HAPLN4: variants seen among roughly 807,000 people sequenced by gnomAD.
HAPLN4 encodes the protein hyaluronan and proteoglycan link protein 4.
Under a neutral mutation model 28.0 loss-of-function variants are expected in HAPLN4, and 19 were observed. The ratio of observed to expected loss-of-function variants is 0.68; its 90% CI spans 0.47 to 1.00. The LOEUF is 1.00. Among genes scored for constraint, HAPLN4 ranks in the 50% least tolerant of loss-of-function variants. HAPLN4 has a pLI of 0.00. For synonymous variants in HAPLN4, 274 were observed against 273.0 expected (o/e 1.00, Z -0.03); for missense variants, 587 against 602.6 (o/e 0.97, Z 0.27).
chr19:19,262,593 G>T, intron 1 of HAPLN4, 137 bp downstream of exon 1: 2 of 1,058,014 alleles, frequency 1.9e-6, no homozygotes, highest in South Asian at 1.4e-5. Flanking sequence ...CAAAAAGAGA[G>T]ATCAAAGAGG....
At position 19,258,660 on chromosome 19, in the gene HAPLN4, C is replaced by T. The variant is rs891875500; in HGVS notation, c.680G>A (p.Arg227Gln). The change falls in exon 4 of 5, where the codon CGG (arginine) becomes CAG (glutamine). Residue 227 changes from arginine (R) to glutamine (Q), a missense_variant. By Grantham distance (43) the Arg-to-Gln change is conservative. Transcript: ENST00000291481. The surrounding 1 kb of genome is among the most constrained non-coding windows in gnomAD (Gnocchi z 6.2). ...CCCCCCCAGGCCGCCGCAGGGCTCCCGGGGCCGGTTCACGGGGTATTGCAC... is the reference window on the plus strand; with the variant it reads ...CCCCCCCAGGCCGCCGCAGGGCTCCTGGGGCCGGTTCACGGGGTATTGCAC... ...GSVQYPVNRPREPCGGLGGTG... is the reference protein window; with the variant it reads ...GSVQYPVNRPQEPCGGLGGTG... 4.3e-6 allele frequency: 7 copies of T among 1,610,504 alleles called. No homozygotes were observed. In the South Asian group the frequency reaches 5.5e-5, roughly 13 times the overall value.
rs369132291 is a variant in HAPLN4, at chr19:19,261,004, A to C, written c.293T>G (p.Val98Gly). 5.6e-6 allele frequency: 9 copies of C among 1,613,584 alleles called. No homozygotes were observed. Among genetic ancestry groups the C allele is most frequent in the African/African-American group, 1.3e-5 (1 of 74,924 alleles). Reference protein sequence around the residue: ...KVVDPLAFTDVFVALGPQHRA... With the variant: ...KVVDPLAFTDGFVALGPQHRA... ...GTGCTGGGGGCCTAGTGCCACGAAG[A>C]CGTCGGTGAAGGCCAGCGGGTCCAC... Residue 98 changes from valine to glycine, a missense_variant, in exon 3 of 5, where the codon GTC (valine) becomes GGC (glycine). Physicochemically the swap from Val to Gly is moderately radical, Grantham distance 109. Coordinates refer to ENST00000291481, the MANE Select transcript of HAPLN4 (RefSeq NM_023002.3).
rs773003917 is a variant in HAPLN4 at position 19,258,031 on chromosome 19, A to G, written c.995T>C (p.Ile332Thr). The G allele has an allele frequency of 5.0e-5, 76 of 1,533,216 alleles. No individual in the cohort carries two copies. Among genetic ancestry groups the G allele is most frequent in the Non-Finnish European group, 6.3e-5 (72 of 1,145,696 alleles). The allele number at this position is 1,533,216 out of a possible 1,614,324, so 95.0% of individuals were successfully genotyped here. A position where few individuals can be genotyped will look rare whatever the true frequency, so the allele number is the denominator to read the frequency against. ...WLADGSARYP[I>T]VNPRARCGGR... is the part of the protein sequence containing the mutation. ...TCCGCAGCGCGCTCGCGGGTTCACG[A>G]TGGGGTAGCGCGCACTGCCATCGGC... Residue 332 changes from isoleucine to threonine, a missense_variant, in exon 5 of 5, where the codon ATC becomes ACC. Coordinates refer to ENST00000291481, the MANE Select transcript of HAPLN4 (RefSeq NM_023002.3). The surrounding 1 kb of genome is among the most constrained non-coding windows in gnomAD (Gnocchi z 6.2).
At chr19:19,261,255 G>C in intron 2 of HAPLN4, 80 bp from the exon 3 acceptor site, 2 of 1,441,548 alleles carry the variant, frequency 1.4e-6, no homozygotes, top group Non-Finnish European at 1.9e-6. Context: ...CTGGGGAGGG[G>C]AACGTGGGAA....
Position 19,257,158 on chromosome 19 carries a change from A to G in HAPLN4, c.*659T>C, listed in dbSNP as rs953891833. 6.6e-6 allele frequency: 1 copy of G among 152,024 alleles called. No individual in the cohort carries two copies. The highest frequency in any genetic ancestry group is 2.4e-5 in the African/African-American group (1 of 41,322). The allele number at this position is 152,024 out of a possible 1,614,324, so 9.4% of individuals were successfully genotyped here. A position where few individuals can be genotyped will look rare whatever the true frequency, so the allele number is the denominator to read the frequency against. On this transcript the variant is annotated 3_prime_UTR_variant, in exon 5 of 5. Transcript: ENST00000291481. ...GCAGATGGGGGTGCTCGCCCATGAAACTAGAGGGGTGTGCCCTGTTACCCA... is the reference window on the plus strand; with the variant it reads ...GCAGATGGGGGTGCTCGCCCATGAAGCTAGAGGGGTGTGCCCTGTTACCCA...
In HAPLN4 at chr19:19,257,860, C is replaced by G. The variant is rs767317493; in HGVS notation, c.1166G>C (p.Gly389Ala). Residue 389 changes from glycine to alanine, a missense_variant, in exon 5 of 5, where the codon GGG (glycine) becomes GCG (alanine). Coordinates refer to ENST00000291481, the MANE Select transcript of HAPLN4 (RefSeq NM_023002.3). ...CCAGGCAGCAGGATCGCGCGCGCCC[C>G]CTGCCCAGCCGCCGCCGCCCGCCCA... is the stretch of plus-strand genomic sequence containing the variant. ...WGWAGGGGWA[G>A]GARDPAAWTP... 47 of 1,433,450 alleles carry G rather than the reference C, an allele frequency of 3.3e-5. No homozygotes were observed. Among genetic ancestry groups the G allele is most frequent in the Non-Finnish European group, 3.9e-5 (43 of 1,104,928 alleles). The allele number at this position is 1,433,450 out of a possible 1,614,324, so 88.8% of individuals were successfully genotyped here. A position where few individuals can be genotyped will look rare whatever the true frequency, so the allele number is the denominator to read the frequency against.
At position 19,262,215 on chromosome 19, in the gene HAPLN4, AAGACAGAGATGGAAAGGGAG is replaced by A. The variant is rs1203616449; in HGVS notation, c.3+495_3+514del. ...AGGAAGATACAGAGATGGAGAGGGAAAGACAGAGATGGAAAGGGAGAGACAGAGAGGAAGAGACAGAGAAG... is the reference window on the plus strand; with the variant it reads ...AGGAAGATACAGAGATGGAGAGGGAAAGACAGAGAGGAAGAGACAGAGAAG... On this transcript the variant is annotated intron_variant, in intron 1 of 4. Transcript: ENST00000291481. Among the ~76,000 whole-genome samples the A allele has an allele frequency of 7.9e-4, 85 of 107,880 alleles. 2 individuals carry two copies. The highest frequency in any genetic ancestry group is 7.7e-3 in the Admixed American group (83 of 10,744). 70.8% of individuals were successfully genotyped at this position (107,880 alleles called of 152,430 possible). A position where few individuals can be genotyped will look rare whatever the true frequency, so the allele number is the denominator to read the frequency against.
intron 1 of HAPLN4, among the ~76,000 whole-genome samples, chr19:19,261,963 G>A (rs1437512254): frequency 6.6e-6 from 1 of 152,192 alleles, no homozygotes; most frequent in Non-Finnish European, 1.5e-5. Flanking sequence ...GGCAGGGAGG[G>A]GGGAGAGCTG....
chr19:19,257,991 A>C lies in HAPLN4; in HGVS notation c.1035T>G (p.Gly345=), dbSNP rs774199796. The change falls in exon 5 of 5, where the codon GGT becomes GGG. Residue 345 remains glycine (G), a synonymous_variant. Coordinates refer to ENST00000291481, the MANE Select transcript of HAPLN4 (RefSeq NM_023002.3). ...CGTCCGGGAAGCCGAGGCTGCGCACACCAGGCCTGCGGCCTCCGCAGCGCG... is the reference window on the plus strand; with the variant it reads ...CGTCCGGGAAGCCGAGGCTGCGCACCCCAGGCCTGCGGCCTCCGCAGCGCG... ...PRARCGGRRP[G]VRSLGFPDAT... is the part of the protein sequence containing the mutation. 13 of 1,517,714 alleles carry C rather than the reference A, an allele frequency of 8.6e-6. No homozygotes were observed. The highest frequency in any genetic ancestry group is 1.7e-4 in the Middle Eastern group (1 of 5,848). The allele number at this position is 1,517,714 out of a possible 1,614,324, so 94.0% of individuals were successfully genotyped here.
chr19:19,261,624 G>GGAGGGAGCCAGGC, intron 1 of HAPLN4, 61 bp from the exon 2 acceptor site: 4 of 1,142,494 alleles, frequency 3.5e-6, no homozygotes, highest in Non-Finnish European at 3.5e-6. Flanking sequence ...CGGAGGCCTG[G>GGAGGGAGCCAGGC]CTCCCTCCCG....
At position 19,258,804 on chromosome 19, in the gene HAPLN4, G is replaced by A. The variant is rs2060974981; in HGVS notation, c.536C>T (p.Ala179Val). The A allele has an allele frequency of 2.5e-6, 4 of 1,592,302 alleles. No individual in the cohort carries two copies. Among genetic ancestry groups the A allele is most frequent in the Non-Finnish European group, 3.4e-6 (4 of 1,170,076 alleles). Residue 179 changes from alanine (A) to valine (V), a missense_variant, in exon 4 of 5, where the codon GCG becomes GTG. Coordinates refer to ENST00000291481, the MANE Select transcript of HAPLN4 (RefSeq NM_023002.3). The surrounding 1 kb of genome is among the most constrained non-coding windows in gnomAD (Gnocchi z 6.2). ...CTCGGCGCACGCGCGCTGCGCCTCC[G>A]CGAAGGTCAGCTTGTATCGGCCTCC... The part of the protein sequence containing the change: ...PRGGRYKLTF[A>V]EAQRACAEQD...
At position 19,255,819 on chromosome 19, in the gene HAPLN4, A is replaced by G. The variant is rs1032810311; in HGVS notation, c.*1998T>C. The G allele has an allele frequency of 3.3e-4, 50 of 152,242 alleles. No homozygotes were observed. The highest frequency in any genetic ancestry group is 1.1e-3 in the African/African-American group (47 of 41,462). The allele number at this position is 152,242 out of a possible 1,614,324, so 9.4% of individuals were successfully genotyped here. A position where few individuals can be genotyped will look rare whatever the true frequency, so the allele number is the denominator to read the frequency against. On this transcript the variant is annotated 3_prime_UTR_variant, in exon 5 of 5. Coordinates refer to ENST00000291481, the MANE Select transcript of HAPLN4 (RefSeq NM_023002.3). ...TTCAAACCCAAACCGACCTGGTCCC[A>G]AAACTCAGAGATAGGTTTCCTAGAG...
intron 1 of HAPLN4, 200 bp from the exon 2 acceptor site, chr19:19,261,763 A>AC (rs2060984323): frequency 2.1e-6 from 1 of 479,188 alleles, no homozygotes; most frequent in South Asian, 3.0e-5. Flanking sequence ...ACGCCCCTAG[A>AC]CTCCCCCCCG....
In HAPLN4 at chr19:19,260,952, C is replaced by G. The variant is rs768350838; in HGVS notation, c.345G>C (p.Arg115=). Residue 115 remains arginine, a synonymous_variant, in exon 3 of 5, where the codon CGG becomes CGC. Transcript: ENST00000291481. Reference sequence around the variant, plus strand: ...CAGGCCCGTCGCCCTGCAGCTCAGCCCGCCCACGGTAGCTGCCGAATGCCC... The same window carrying G: ...CAGGCCCGTCGCCCTGCAGCTCAGCGCGCCCACGGTAGCTGCCGAATGCCC... ...QHRAFGSYRG[R]AELQGDGPGD... 3 of 1,613,856 alleles carry G rather than the reference C, an allele frequency of 1.9e-6. No individual in the cohort carries two copies. The East Asian group carries it at 6.7e-5, about 36-fold the overall frequency.
rs2060964114 is a variant in HAPLN4 at position 19,255,905 on chromosome 19, G to C, written c.*1912C>G. On this transcript the variant is annotated 3_prime_UTR_variant, in exon 5 of 5. Coordinates refer to ENST00000291481, the MANE Select transcript of HAPLN4 (RefSeq NM_023002.3). ...CAGTACTCCTGCAGGCAAGACTTCG[G>C]GACTGGGGTCTCCCACGGCCGGGAT... 6.6e-6 allele frequency: 1 copy of C among 152,274 alleles called. No individual in the cohort carries two copies. Among genetic ancestry groups the C allele is most frequent in the Non-Finnish European group, 1.5e-5 (1 of 68,070 alleles). The allele number at this position is 152,274 out of a possible 1,614,324, so 9.4% of individuals were successfully genotyped here.
Position 19,258,645 on chromosome 19 carries a change from C to A in HAPLN4, c.695G>T (p.Gly232Val), listed in dbSNP as rs569516576. The stretch of plus-strand genomic sequence containing the variant: ...CCCTGCACTCCCGGTCCCCCCCAGG[C>A]CGCCGCAGGGCTCCCGGGGCCGGTT... Reference protein sequence around the residue: ...PVNRPREPCGGLGGTGSAGGG... With the variant: ...PVNRPREPCGVLGGTGSAGGG... The change falls in exon 4 of 5, where the codon GGC (glycine) becomes GTC (valine). Residue 232 changes from glycine (G) to valine (V), a missense_variant. Transcript: ENST00000291481. This position sits in a 1 kb window ranked among gnomAD's most constrained non-coding sequence, Gnocchi z 6.2. 30 of 1,611,510 alleles carry A rather than the reference C, an allele frequency of 1.9e-5. 1 individual carries two copies. In the South Asian group the frequency reaches 3.1e-4, roughly 17 times the overall value.
rs766762055 is a variant in HAPLN4, at chr19:19,261,566, G to T, written c.4-3C>A. The T allele has an allele frequency of 2.7e-6, 4 of 1,481,604 alleles. No individual in the cohort carries two copies. The highest frequency in any genetic ancestry group is 1.8e-4 in the Middle Eastern group (1 of 5,482). The allele number at this position is 1,481,604 out of a possible 1,614,324, so 91.8% of individuals were successfully genotyped here. On this transcript the variant is annotated splice_polypyrimidine_tract_variant and splice_region_variant and intron_variant, in intron 1 of 4. Transcript: ENST00000291481. ...CCGAGGGCCGCCCGAGCGCACACCT[G>T]GGGGGCGGGCACGGGGCGCTCAGTC...
chr19:19,258,187 G>A lies in HAPLN4; in HGVS notation c.839C>T (p.Pro280Leu), dbSNP rs905943234. ...NLPGRVFFLK[P>L]LRPVPFSGAA... ...TCCGGAGAAGGGTACAGGTCGCAGC[G>A]GCTTCAGGAAGAACACGCGCCCTGC... Residue 280 changes from proline to leucine, a missense_variant, in exon 5 of 5, where the codon CCG becomes CTG. By Grantham distance (98) the Pro-to-Leu change is moderately conservative (BLOSUM62 -3). Coordinates refer to ENST00000291481, the MANE Select transcript of HAPLN4 (RefSeq NM_023002.3). The surrounding 1 kb of genome is among the most constrained non-coding windows in gnomAD (Gnocchi z 6.2). The A allele has an allele frequency of 2.6e-6, 4 of 1,509,818 alleles. No individual in the cohort carries two copies. The highest frequency in any genetic ancestry group is 2.2e-5 in the Admixed American group (1 of 46,462). The allele number at this position is 1,509,818 out of a possible 1,614,324, so 93.5% of individuals were successfully genotyped here.
chr19:19,262,239 CAGAG>C (rs1184354469), intron 1 of HAPLN4, among the ~76,000 whole-genome samples: 4 of 133,238 alleles, frequency 3.0e-5, no homozygotes, highest in African/African-American at 8.9e-5. Context: ...AAGGGAGAGA[CAGAG>C]AGGAAGAGAC....
Sources: allele counts gnomAD v4.1 joint callset (sites outside exome capture counted in the v4.1 genomes callset), GRCh38; gene constraint gnomAD v4.1.1; non-coding constraint Gnocchi (gnomAD v3.1); transcripts MANE v1.5; gene names NCBI Gene and HGNC (gene_info 2026-07-23, HGNC 2026-07-21).